Variants in AKAP19 observed in about 807,000 individuals in gnomAD.
The protein encoded by AKAP19 is small A-kinase anchoring protein.
chr2:190,011,746 T>C, the AKAP19 span, among the ~76,000 whole-genome samples: 1 of 152,198 alleles, frequency 6.6e-6, no homozygotes, highest in Non-Finnish European at 1.5e-5. Context: ...ACTGTAAATA[T>C]GTGGTTTTGT....
At chr2:189,921,497 G>A in the AKAP19 span, among the ~76,000 whole-genome samples, 1 of 152,132 alleles carries the variant, frequency 6.6e-6, no homozygotes, top group African/African-American at 2.4e-5. Context: ...GAGATTAGGA[G>A]GTGAGGGATT....
chr2:190,069,759 C>A, the AKAP19 span, among the ~76,000 whole-genome samples: 8 of 151,988 alleles, frequency 5.3e-5, no homozygotes, highest in African/African-American at 1.9e-4. Flanking sequence ...TTCATTAAAC[C>A]CTTATTGTGC....
the AKAP19 span, among the ~76,000 whole-genome samples, chr2:190,108,312 C>A: frequency 6.6e-6 from 1 of 152,124 alleles, no homozygotes; most frequent in African/African-American, 2.4e-5. Context: ...TGCACCAACA[C>A]GCCCGGCTAA....
the AKAP19 span, among the ~76,000 whole-genome samples, chr2:189,934,467 G>C: frequency 6.6e-6 from 1 of 151,832 alleles, no homozygotes; most frequent in African/African-American, 2.4e-5. Context: ...CTTAAAATTG[G>C]AAAGAGTATA....
chr2:189,954,882 C>A, the AKAP19 span, among the ~76,000 whole-genome samples: 1 of 152,132 alleles, frequency 6.6e-6, no homozygotes, highest in Non-Finnish European at 1.5e-5. Context: ...ATTTACATGC[C>A]CAATATCTTT....
At chr2:190,187,146 G>C in the AKAP19 span, among the ~76,000 whole-genome samples, 1 of 151,816 alleles carries the variant, frequency 6.6e-6, no homozygotes, top group South Asian at 2.1e-4. Flanking sequence ...ACTGAAATTT[G>C]AAAGACATTT....
chr2:190,125,786 C>T, the AKAP19 span, among the ~76,000 whole-genome samples: 14 of 151,952 alleles, frequency 9.2e-5, no homozygotes, highest in Non-Finnish European at 1.5e-5. Flanking sequence ...ATAAATGCTT[C>T]CCCACCATAC....
At chr2:189,880,145 T>C in the AKAP19 span, among the ~76,000 whole-genome samples, 1 of 152,212 alleles carries the variant, frequency 6.6e-6, no homozygotes, top group Non-Finnish European at 1.5e-5. Context: ...ACAGCCCGCA[T>C]TTCTCAACTA....
the AKAP19 span, chr2:189,930,495 A>G: frequency 5.6e-5 from 12 of 212,516 alleles, 1 homozygote; most frequent in African/African-American, 2.8e-4. Flanking sequence ...TGGCCAACAT[A>G]GTGAAACCCC....
chr2:190,034,882 G>GA, the AKAP19 span, among the ~76,000 whole-genome samples: 3 of 121,868 alleles, frequency 2.5e-5, no homozygotes, highest in African/African-American at 2.8e-5. Flanking sequence ...AAAAAAAAAG[G>GA]AAAAAAATGC....
At chr2:189,966,441 AC>A in the AKAP19 span, among the ~76,000 whole-genome samples, 1 of 152,232 alleles carries the variant, frequency 6.6e-6, no homozygotes, top group South Asian at 2.1e-4. Flanking sequence ...AAAGCAAACT[AC>A]AAAAAATGAG....
chr2:190,143,585 G>A, the AKAP19 span, among the ~76,000 whole-genome samples: 1 of 152,162 alleles, frequency 6.6e-6, no homozygotes, highest in African/African-American at 2.4e-5. Flanking sequence ...ATATTATTGT[G>A]TTCTCAGTGT....
the AKAP19 span, among the ~76,000 whole-genome samples, chr2:189,920,508 G>GCCTA: frequency 2.6e-5 from 4 of 152,324 alleles, no homozygotes; most frequent in East Asian, 7.7e-4. Flanking sequence ...GGATGGATAT[G>GCCTA]CCTAGCTAAA....
At chr2:190,035,675 G>A in the AKAP19 span, among the ~76,000 whole-genome samples, 1 of 151,448 alleles carries the variant, frequency 6.6e-6, no homozygotes, top group East Asian at 1.9e-4. Flanking sequence ...ATATAAGTTG[G>A]CTCAAAAGCC....
the AKAP19 span, among the ~76,000 whole-genome samples, chr2:190,002,854 T>TAGACA: frequency 3.3e-5 from 5 of 152,214 alleles, no homozygotes; most frequent in African/African-American, 1.2e-4. Flanking sequence ...TCACTTAGAT[T>TAGACA]TCTTGTAAAT....
chr2:189,984,929 C>T, the AKAP19 span, among the ~76,000 whole-genome samples: 2 of 151,880 alleles, frequency 1.3e-5, no homozygotes, highest in African/African-American at 4.8e-5. Flanking sequence ...CAGAGTGGCA[C>T]CCACCATCTC....
At chr2:189,921,913 G>A in the AKAP19 span, among the ~76,000 whole-genome samples, 1 of 152,212 alleles carries the variant, frequency 6.6e-6, no homozygotes, top group Non-Finnish European at 1.5e-5. Context: ...GGGAAAGGGT[G>A]ATAGTTGTCT....
At chr2:189,962,469 T>A in the AKAP19 span, among the ~76,000 whole-genome samples, 1 of 152,078 alleles carries the variant, frequency 6.6e-6, no homozygotes, top group Non-Finnish European at 1.5e-5. Context: ...TTCAATATCA[T>A]GATAAAGGAA....
At chr2:190,192,221 C>T in the AKAP19 span, among the ~76,000 whole-genome samples, 6 of 151,888 alleles carry the variant, frequency 4.0e-5, no homozygotes, top group African/African-American at 1.4e-4. Context: ...ATCCTTTTTG[C>T]ATTCATTGTT....
Sources: allele counts gnomAD v4.1 joint callset (sites outside exome capture counted in the v4.1 genomes callset), GRCh38; gene constraint gnomAD v4.1.1; transcripts MANE v1.5; gene names NCBI Gene and HGNC (gene_info 2026-07-23, HGNC 2026-07-21).